KLF12: variants seen among roughly 807,000 people sequenced by gnomAD.
KLF12 encodes Krueppel-like factor 12.
Under a neutral mutation model 37.8 loss-of-function variants are expected in KLF12, and 9 were observed. That is an observed-to-expected ratio of 0.24 (90% CI 0.14 to 0.42). The LOEUF is 0.42. Among genes scored for constraint, KLF12 ranks in the 10% least tolerant of loss-of-function variants. KLF12 has a pLI of 1.00. For synonymous variants in KLF12, 208 were observed against 202.1 expected, an observed-to-expected ratio of 1.03 and a Z score of -0.25; for missense variants, 411 against 516.0, an observed-to-expected ratio of 0.80 and a Z score of 1.97.
the KLF12 span, among the ~76,000 whole-genome samples, chr13:74,162,463 TG>T: frequency 1.3e-5 from 2 of 152,248 alleles, no homozygotes; most frequent in Non-Finnish European, 2.9e-5. Context: ...GCTTAAAATT[TG>T]GGGGTTCCCT....
At chr13:73,892,089 T>C (rs899667152) in intron 3 of KLF12, among the ~76,000 whole-genome samples, 21 of 152,232 alleles carry the variant, frequency 1.4e-4, no homozygotes, top group African/African-American at 5.1e-4. Context: ...GGGGCCCAGT[T>C]TGTTGTTTTA....
chr13:74,003,317 T>C (rs1892328293), intron 1 of KLF12, among the ~76,000 whole-genome samples: 1 of 152,156 alleles, frequency 6.6e-6, no homozygotes, highest in African/African-American at 2.4e-5. Flanking sequence ...AAGTCTGAAT[T>C]TGAGAATAAT....
chr13:74,266,576 G>A, the KLF12 span, among the ~76,000 whole-genome samples: 7 of 152,154 alleles, frequency 4.6e-5, no homozygotes, highest in Admixed American at 1.3e-4. Context: ...ATCCTGCTAC[G>A]CTGCTGTTCT....
chr13:73,856,252 A>T (rs1030319171), intron 3 of KLF12, among the ~76,000 whole-genome samples: 3 of 152,202 alleles, frequency 2.0e-5, no homozygotes, highest in Non-Finnish European at 4.4e-5. Context: ...AGCTTCTGCT[A>T]ATCAGGTGTG....
At chr13:73,998,569 C>T (rs756703320) in intron 1 of KLF12, among the ~76,000 whole-genome samples, 6 of 152,096 alleles carry the variant, frequency 3.9e-5, no homozygotes, top group South Asian at 2.1e-4. Flanking sequence ...TTTCCAGCAC[C>T]GATTTTAAAA....
chr13:74,205,740 A>G, the KLF12 span, among the ~76,000 whole-genome samples: 1 of 152,152 alleles, frequency 6.6e-6, no homozygotes, highest in Non-Finnish European at 1.5e-5. Context: ...GCTGGAGCAG[A>G]AACTCATTAC....
At chr13:74,166,702 G>A in the KLF12 span, among the ~76,000 whole-genome samples, 1 of 151,422 alleles carries the variant, frequency 6.6e-6, no homozygotes, top group Non-Finnish European at 1.5e-5. Context: ...ACTTTTCTTT[G>A]TCTACTAGAC....
chr13:74,294,048 G>A, the KLF12 span, among the ~76,000 whole-genome samples: 1 of 152,094 alleles, frequency 6.6e-6, no homozygotes, highest in Non-Finnish European at 1.5e-5. Flanking sequence ...GCCGTCAAAG[G>A]GACCTTATTA....
the KLF12 span, among the ~76,000 whole-genome samples, chr13:74,181,518 A>AAAAC: frequency 2.0e-5 from 3 of 151,096 alleles, no homozygotes; most frequent in African/African-American, 7.3e-5. Context: ...TGTCTCTACT[A>AAAAC]AAACAAACAA....
chr13:73,890,059 T>C (rs781751955), intron 3 of KLF12, among the ~76,000 whole-genome samples: 12 of 152,192 alleles, frequency 7.9e-5, no homozygotes, highest in African/African-American at 2.4e-4. Flanking sequence ...TATGTGAAAA[T>C]AGAGAACACA....
intron 2 of KLF12, among the ~76,000 whole-genome samples, chr13:73,955,823 C>T (rs3850050): frequency 0.73 from 111,039 of 152,098 alleles, 41,280 homozygotes; most frequent in East Asian, 0.89. Context: ...AAATAAGTTG[C>T]TAAATTTCAA....
At chr13:74,286,560 C>G in the KLF12 span, among the ~76,000 whole-genome samples, 1 of 152,108 alleles carries the variant, frequency 6.6e-6, no homozygotes, top group East Asian at 1.9e-4. Flanking sequence ...TCCATGCAGT[C>G]TTTTTTTAAA....
the KLF12 span, among the ~76,000 whole-genome samples, chr13:74,287,234 C>G: frequency 8.5e-5 from 13 of 152,180 alleles, no homozygotes; most frequent in Admixed American, 7.8e-4. Context: ...GCTCATTGCT[C>G]ATGCAGGTGA....
intron 1 of KLF12, among the ~76,000 whole-genome samples, chr13:74,104,182 GT>G (rs1313129831): frequency 6.6e-6 from 1 of 152,172 alleles, no homozygotes; most frequent in Non-Finnish European, 1.5e-5. Flanking sequence ...CATGTTTTTA[GT>G]ATATTGTTTC....
At chr13:73,951,655 G>A (rs1890651877) in intron 2 of KLF12, among the ~76,000 whole-genome samples, 1 of 152,186 alleles carries the variant, frequency 6.6e-6, no homozygotes, top group Non-Finnish European at 1.5e-5. Context: ...ACAATGGAGA[G>A]GAGAGCTCTA....
chr13:73,703,205 AAAT>A (rs1282245654), intron 7 of KLF12, among the ~76,000 whole-genome samples: 2 of 152,178 alleles, frequency 1.3e-5, no homozygotes, highest in Admixed American at 1.3e-4. Context: ...CATACCTGGC[AAAT>A]AATACCCACT....
chr13:73,997,387 T>C (rs1892150750), intron 1 of KLF12, among the ~76,000 whole-genome samples: 1 of 152,216 alleles, frequency 6.6e-6, no homozygotes, highest in South Asian at 2.1e-4. Context: ...GTAATGTTTA[T>C]ACAGCAATCT....
intron 1 of KLF12, among the ~76,000 whole-genome samples, chr13:74,067,400 T>G (rs1284566221): frequency 6.6e-6 from 1 of 152,218 alleles, no homozygotes; most frequent in Non-Finnish European, 1.5e-5. Context: ...ACCTAATTAT[T>G]ACATTAGATA....
At chr13:74,228,519 ATTAAGCTTAGAAATG>A in the KLF12 span, among the ~76,000 whole-genome samples, 1 of 152,158 alleles carries the variant, frequency 6.6e-6, no homozygotes, top group South Asian at 2.1e-4. Flanking sequence ...GTAAGGAAAT[ATTAAGCTTAGAAATG>A]TTAAGTCCCC....
Sources: allele counts gnomAD v4.1 joint callset (sites outside exome capture counted in the v4.1 genomes callset), GRCh38; gene constraint gnomAD v4.1.1; transcripts MANE v1.5; gene names NCBI Gene and HGNC (gene_info 2026-07-23, HGNC 2026-07-21).